The following EFS variants were observed in gnomAD, a reference collection of about 807,000 sequenced individuals.
EFS encodes embryonal Fyn-associated substrate, also known as Cas scaffolding protein family member 3.
Under a neutral mutation model 42.2 loss-of-function variants are expected in EFS, and 34 were observed. The ratio of observed to expected loss-of-function variants is 0.81; its 90% confidence interval spans 0.61 to 1.07. The LOEUF is 1.07. EFS is among the 50% of genes least tolerant of loss of function. The pLI is 0.00. For synonymous variants in EFS, 299 were observed against 320.7 expected (o/e 0.93, Z 0.72); for missense variants, 717 against 729.4 (o/e 0.98, Z 0.20).
chr14:23,364,835 G>C (rs1203837651), intron 1 of EFS, among the ~76,000 whole-genome samples, 173 bp downstream of exon 1: 1 of 152,046 alleles, frequency 6.6e-6, no homozygotes, highest in Non-Finnish European at 1.5e-5. Context: ...AGGAGCAGGG[G>C]ATGAGGAGTG....
rs1212437754 is a variant in EFS, at chr14:23,357,191, AG to A, written c.*34del. 1 of 1,479,838 alleles carries A rather than the reference AG, an allele frequency of 6.8e-7. No homozygotes were observed. The highest frequency in any genetic ancestry group is 2.4e-5 in the East Asian group (1 of 42,376). The allele number at this position is 1,479,838 out of a possible 1,614,324, so 91.7% of individuals were successfully genotyped here. A position where few individuals can be genotyped will look rare whatever the true frequency, so the allele number is the denominator to read the frequency against. On this transcript the variant is annotated 3_prime_UTR_variant, in exon 6 of 6. Coordinates refer to ENST00000216733, the MANE Select transcript of EFS (RefSeq NM_005864.4). ...CCAAGGCCTAAAGGGGGGCTTTGGCAGGCAGGGGAGGAGCAGAGCTGTGCCA... is the reference window on the plus strand; with the variant it reads ...CCAAGGCCTAAAGGGGGGCTTTGGCAGCAGGGGAGGAGCAGAGCTGTGCCA...
At position 23,357,612 on chromosome 14, in the gene EFS, G is replaced by A; in HGVS notation, c.1300C>T (p.Gln434Ter). The A allele has an allele frequency of 6.4e-7, 1 of 1,571,944 alleles. No homozygotes were observed. Among genetic ancestry groups the A allele is most frequent in the Non-Finnish European group, 8.7e-7 (1 of 1,152,668 alleles). The change falls in exon 6 of 6, where the codon CAG (glutamine) becomes TAG (stop). Residue 434 changes from glutamine (Q) to a stop codon, truncating the protein, a stop_gained. Coordinates refer to ENST00000216733, the MANE Select transcript of EFS (RefSeq NM_005864.4). LOFTEE classifies it high-confidence loss of function. ...TGCCCAGCATAGAAGTACAGGAGCT[G>A]CAGATCTCCGGTGGACACAACCAGT... ...EPLVVSTGDL[Q>*]LLYFYAGQCQ...
chr14:23,364,670 C>T (rs1222564619), intron 1 of EFS, among the ~76,000 whole-genome samples: 1 of 152,152 alleles, frequency 6.6e-6, no homozygotes, highest in African/African-American at 2.4e-5. Context: ...CAACCACAAG[C>T]CTCTGCCAAC....
intron 4 of EFS, 123 bp from the exon 5 acceptor site, chr14:23,359,088 G>T: frequency 4.4e-6 from 5 of 1,134,580 alleles, no homozygotes; most frequent in Non-Finnish European, 6.2e-6. Flanking sequence ...ATCAGAGGTT[G>T]TAGTCCCTTG....
intron 1 of EFS, among the ~76,000 whole-genome samples, 176 bp downstream of exon 1, chr14:23,364,832 G>A (rs1050036459): frequency 2.0e-5 from 3 of 152,064 alleles, no homozygotes; most frequent in South Asian, 2.1e-4. Context: ...AGGAGGAGCA[G>A]GGGATGAGGA....
In EFS at chr14:23,360,604, T is replaced by G; in HGVS notation, c.248A>C (p.Gln83Pro). 6.3e-7 allele frequency: 1 copy of G among 1,585,822 alleles called. No individual in the cohort carries two copies. Among genetic ancestry groups the G allele is most frequent in the Non-Finnish European group, 8.6e-7 (1 of 1,164,416 alleles). Residue 83 changes from glutamine (Q) to proline (P), a missense_variant, in exon 2 of 6, where the codon CAG (glutamine) becomes CCG (proline). Transcript: ENST00000216733. ...TGGGGCTGGATATGGTGAGCCAGGC[T>G]GGGCTGGGGACGCAGGAGAGAGGCT... ...KPSLSPASPA[Q>P]PGSPYPAPDH...
chr14:23,359,639 A>T lies in EFS; in HGVS notation c.839T>A (p.Leu280Gln). The T allele has an allele frequency of 6.6e-7, 1 of 1,505,430 alleles. No homozygotes were observed. 93.3% of individuals were successfully genotyped at this position (1,505,430 alleles called of 1,614,324 possible). ...GALASHDQDT[L>Q]AQLLARSPPP... The stretch of plus-strand genomic sequence containing the variant: ...GGGGCTTCTGGCCAGAAGCTGGGCC[A>T]GGGTGTCCTGGTCATGGGAGGCCAA... The change falls in exon 4 of 6, where the codon CTG becomes CAG. Residue 280 changes from leucine to glutamine, a missense_variant. Physicochemically the swap from Leu to Gln is moderately radical, Grantham distance 113 (BLOSUM62 -2). Coordinates refer to ENST00000216733, the MANE Select transcript of EFS (RefSeq NM_005864.4).
In EFS at chr14:23,359,450, C is replaced by CGGGGTG. The variant is rs759395794; in HGVS notation, c.1022_1027dup (p.Pro341_Pro342dup). ...CTTGGGGCCTCCATAACCAGGCAGGCGGGGTGGGGGTGGGGGCAGAGGCCG... is the reference window on the plus strand; with the variant it reads ...CTTGGGGCCTCCATAACCAGGCAGGCGGGGTGGGGGTGGGGGTGGGGGCAGAGGCCG... On this transcript the variant is annotated inframe_insertion, in exon 4 of 6. Transcript: ENST00000216733. 3.9e-6 allele frequency: 2 copies of CGGGGTG among 515,878 alleles called. No individual in the cohort carries two copies. Among genetic ancestry groups the CGGGGTG allele is most frequent in the South Asian group, 2.0e-5 (1 of 48,908 alleles). 32.0% of individuals were successfully genotyped at this position (515,878 alleles called of 1,614,324 possible).
Position 23,360,585 on chromosome 14 carries a change from T to C in EFS, c.267A>G (p.Pro89=). The C allele has an allele frequency of 6.4e-7, 1 of 1,566,906 alleles. No homozygotes were observed. Among genetic ancestry groups the C allele is most frequent in the Non-Finnish European group, 8.7e-7 (1 of 1,155,118 alleles). The part of the protein sequence containing the change: ...ASPAQPGSPY[P]APDHSNEDQE... ...GGTCCTCATTGCTGTGATCTGGGGC[T>C]GGATATGGTGAGCCAGGCTGGGCTG... The change falls in exon 2 of 6, where the codon CCA becomes CCG. Residue 89 remains proline (P), a synonymous_variant. Transcript: ENST00000216733.
chr14:23,363,020 T>C (rs1361760600), intron 1 of EFS, among the ~76,000 whole-genome samples: 2 of 151,824 alleles, frequency 1.3e-5, no homozygotes, highest in East Asian at 1.9e-4. Flanking sequence ...TTCACGCCAT[T>C]CTCCTGCCTC....
chr14:23,364,899 G>T, intron 1 of EFS, 109 bp downstream of exon 1: 1 of 1,039,886 alleles, frequency 9.6e-7, no homozygotes, highest in Non-Finnish European at 1.3e-6. Flanking sequence ...TCCTGGAGAA[G>T]AAAGGGACCA....
At chr14:23,358,321 A>C (rs1438438507) in intron 5 of EFS, among the ~76,000 whole-genome samples, 2 of 152,232 alleles carry the variant, frequency 1.3e-5, no homozygotes, top group African/African-American at 2.4e-5. Context: ...GCACCAGATG[A>C]GTGTTAACTG....
chr14:23,359,929 C>T lies in EFS; in HGVS notation c.549G>A (p.Glu183=). 3 of 1,551,748 alleles carry T rather than the reference C, an allele frequency of 1.9e-6. No homozygotes were observed. Among genetic ancestry groups the T allele is most frequent in the Non-Finnish European group, 2.6e-6 (3 of 1,150,012 alleles). ...GAGGCACATCATAGGGAGCATCATC[C>T]TCTCCAGGGGGCTGCGGGGCAACCC... is the stretch of plus-strand genomic sequence containing the variant. ...LTRVAPQPPG[E]DDAPYDVPLT... is the part of the protein sequence containing the mutation. The change falls in exon 4 of 6, where the codon GAG becomes GAA. Residue 183 remains glutamate, a synonymous_variant. Coordinates refer to ENST00000216733, the MANE Select transcript of EFS (RefSeq NM_005864.4).
chr14:23,361,982 T>C (rs1370598211), intron 1 of EFS, among the ~76,000 whole-genome samples: 7 of 152,224 alleles, frequency 4.6e-5, no homozygotes, highest in Non-Finnish European at 7.3e-5. Context: ...CTCAATCACT[T>C]GTGCTACTGC....
At chr14:23,364,974 C>A in intron 1 of EFS, 34 bp downstream of exon 1, 1 of 1,291,236 alleles carries the variant, frequency 7.7e-7, no homozygotes, top group East Asian at 3.0e-5. Flanking sequence ...GTGGAGGTCT[C>A]TCCCCGGCAG....
At position 23,357,546 on chromosome 14, in the gene EFS, C is replaced by T. The variant is rs770366075; in HGVS notation, c.1366G>A (p.Ala456Thr). The change falls in exon 6 of 6, where the codon GCC becomes ACC. Residue 456 changes from alanine (A) to threonine (T), a missense_variant. Coordinates refer to ENST00000216733, the MANE Select transcript of EFS (RefSeq NM_005864.4). ...HYSALQAAVA[A>T]LMSSTQANQP... ...TTAGCCTGGGTACTGGACATCAGGG[C>T]TGCCACGGCTGCCTGCAGGGCTGAG... 6 of 1,612,446 alleles carry T rather than the reference C, an allele frequency of 3.7e-6. No individual in the cohort carries two copies. In the Admixed American group the frequency reaches 1.0e-4, roughly 27 times the overall value.
At chr14:23,362,553 G>T (rs935925953) in intron 1 of EFS, among the ~76,000 whole-genome samples, 2 of 152,108 alleles carry the variant, frequency 1.3e-5, no homozygotes, top group Non-Finnish European at 1.5e-5. Flanking sequence ...TTATATTTTG[G>T]TTTCTAAAGG....
chr14:23,359,289 C>T, intron 4 of EFS, 28 bp downstream of exon 4: 4 of 1,612,024 alleles, frequency 2.5e-6, no homozygotes, highest in Non-Finnish European at 2.5e-6. Flanking sequence ...TGGGGTCCCT[C>T]CTGGTGGGGC....
chr14:23,365,108 C>T lies in EFS; in HGVS notation c.-83G>A. ...GGTGGCTGCCCCGCACCATGGTCCGCGGCCTCTAGCCCCCAGCTGTGGCGC... is the reference window on the plus strand; with the variant it reads ...GGTGGCTGCCCCGCACCATGGTCCGTGGCCTCTAGCCCCCAGCTGTGGCGC... On this transcript the variant is annotated 5_prime_UTR_variant, in exon 1 of 6. Transcript: ENST00000216733. The surrounding 1 kb of genome is among the most constrained non-coding windows in gnomAD (Gnocchi z 5.3). The T allele has an allele frequency of 1.6e-6, 2 of 1,213,094 alleles. No homozygotes were observed. The highest frequency in any genetic ancestry group is 3.2e-5 in the East Asian group (1 of 31,646). The allele number at this position is 1,213,094 out of a possible 1,614,324, so 75.1% of individuals were successfully genotyped here.
Sources: allele counts gnomAD v4.1 joint callset (sites outside exome capture counted in the v4.1 genomes callset), GRCh38; gene constraint gnomAD v4.1.1; non-coding constraint Gnocchi (gnomAD v3.1); transcripts MANE v1.5; gene names NCBI Gene and HGNC (gene_info 2026-07-23, HGNC 2026-07-21).